Variants in DMRT2 observed in about 807,000 individuals in gnomAD.
DMRT2 encodes the protein doublesex and mab-3 related transcription factor 2.
Under a neutral mutation model 43.5 loss-of-function variants are expected in DMRT2, and 33 were observed. The ratio of observed to expected loss-of-function variants is 0.76; its 90% CI spans 0.58 to 1.01. The LOEUF is 1.01. Ranked by LOEUF, DMRT2 falls within the 50% of genes least tolerant of loss-of-function variation. The pLI, the probability that DMRT2 is intolerant of heterozygous loss-of-function variation, is 0.00. For missense variants in DMRT2, 1,064 were observed against 748.0 expected (o/e 1.42, Z -4.93); for synonymous variants, 395 against 309.2 (o/e 1.28, Z -2.91).
At position 1,051,702 on chromosome 9, in the gene DMRT2, C is replaced by G; in HGVS notation, c.89C>G (p.Pro30Arg). The G allele has an allele frequency of 6.4e-7, 1 of 1,551,122 alleles. No homozygotes were observed. Among genetic ancestry groups the G allele is most frequent in the Non-Finnish European group, 8.7e-7 (1 of 1,154,672 alleles). The change falls in exon 2 of 4, where the codon CCG becomes CGG. Residue 30 changes from proline to arginine, a missense_variant. Transcript: ENST00000358146. This position sits in a 1 kb window ranked among gnomAD's most constrained non-coding sequence, Gnocchi z 5.9. ...CTGGAAGAGGACGTCTGCGGGGCGC[C>G]GCGGTCCACGCCCCCCGGGCCCAGC... is the stretch of plus-strand genomic sequence containing the variant. ...LELEEDVCGA[P>R]RSTPPGPSPP...
chr9:1,057,242 C>G lies in DMRT2; in HGVS notation c.1655C>G (p.Pro552Arg), dbSNP rs1822070732. The G allele has an allele frequency of 6.2e-7, 1 of 1,612,410 alleles. No individual in the cohort carries two copies. The highest frequency in any genetic ancestry group is 8.5e-7 in the Non-Finnish European group (1 of 1,179,392). The change falls in exon 4 of 4, where the codon CCT becomes CGT. Residue 552 changes from proline (P) to arginine (R), a missense_variant. Transcript: ENST00000358146. ...TCTGTTGAGTCTATTCTTAAGAGGC[C>G]TTCATCTGCCATCACTCGTGTCTCT... ...SFSVESILKR[P>R]SSAITRVSQ is the part of the protein sequence containing the mutation.
Position 1,056,532 on chromosome 9 carries a change from G to A in DMRT2, c.945G>A (p.Gly315=), listed in dbSNP as rs147471809. The A allele has an allele frequency of 6.2e-7, 1 of 1,614,190 alleles. No individual in the cohort carries two copies. Among genetic ancestry groups the A allele is most frequent in the Admixed American group, 1.7e-5 (1 of 60,028 alleles). The part of the protein sequence containing the change: ...TCLDLTMQYS[G]SGNMELISSN... ...TTGATTTAACCATGCAGTATTCAGGGTCTGGGAATATGGAACTAATTTCTT... is the reference window on the plus strand; with the variant it reads ...TTGATTTAACCATGCAGTATTCAGGATCTGGGAATATGGAACTAATTTCTT... The change falls in exon 4 of 4, where the codon GGG becomes GGA. Residue 315 remains glycine (G), a synonymous_variant. Coordinates refer to ENST00000358146, the MANE Select transcript of DMRT2 (RefSeq NM_181872.6).
rs1242291361 is a variant in DMRT2, at chr9:1,056,822, C to T, written c.1235C>T (p.Thr412Ile). ...LVLPHTPEIQ[T>I]TRSDLQGHQA... The stretch of plus-strand genomic sequence containing the variant: ...CTGCCTCACACTCCTGAGATCCAGA[C>T]CACGAGAAGTGACCTTCAGGGTCAT... Residue 412 changes from threonine to isoleucine, a missense_variant, in exon 4 of 4, where the codon ACC (threonine) becomes ATC (isoleucine). By Grantham distance (89) the Thr-to-Ile change is moderately conservative. Transcript: ENST00000358146. 1.2e-6 allele frequency: 2 copies of T among 1,614,154 alleles called. No individual in the cohort carries two copies. The highest frequency in any genetic ancestry group is 1.7e-6 in the Non-Finnish European group (2 of 1,180,030).
chr9:1,054,469 A>G (rs1307138736), intron 3 of DMRT2, among the ~76,000 whole-genome samples: 2 of 142,920 alleles, frequency 1.4e-5, no homozygotes, highest in Admixed American at 7.0e-5. Context: ...CATTTTTACC[A>G]TTTTTTGACA....
chr9:1,053,676 C>G (rs1333069154), intron 2 of DMRT2, 46 bp from the exon 3 acceptor site: 5 of 1,532,892 alleles, frequency 3.3e-6, no homozygotes, highest in Admixed American at 3.6e-5. Flanking sequence ...CTTCTCGCCC[C>G]CATTTTCTTT....
Position 1,056,320 on chromosome 9 carries a change from T to G in DMRT2, c.733T>G (p.Leu245Val). 6.2e-7 allele frequency: 1 copy of G among 1,613,956 alleles called. No homozygotes were observed. The highest frequency in any genetic ancestry group is 8.5e-7 in the Non-Finnish European group (1 of 1,179,988). ...AAGAAGAGCCTTTGCTGATAAAGAG[T>G]TGGAGAACATTATGCTGGAGAGAGA... is the stretch of plus-strand genomic sequence containing the variant. ...RKRRAFADKE[L>V]ENIMLEREYK... Residue 245 changes from leucine (L) to valine (V), a missense_variant, in exon 4 of 4, where the codon TTG becomes GTG. Leu to Val is a conservative substitution (Grantham distance 32). Coordinates refer to ENST00000358146, the MANE Select transcript of DMRT2 (RefSeq NM_181872.6).
At chr9:1,054,531 G>A (rs189965018) in intron 3 of DMRT2, 1 of 152,188 alleles carries the variant, frequency 6.6e-6, no homozygotes. Context: ...GCGAAGTGGA[G>A]GTTGAATGCG....
In DMRT2 at chr9:1,051,721, GC is replaced by G; in HGVS notation, c.111del (p.Ser38AlafsTer80). Reference sequence around the variant, plus strand: ...GGGCGCCGCGGTCCACGCCCCCCGGGCCCAGCCCGCCGCCGGCGGACGGGGA... The same window carrying G: ...GGGCGCCGCGGTCCACGCCCCCCGGGCCAGCCCGCCGCCGGCGGACGGGGA... The part of the protein sequence containing the change: ...CGAPRSTPPG[P>X]SPPPADGDCE... On this transcript the variant is annotated frameshift_variant, in exon 2 of 4. Transcript: ENST00000358146. LOFTEE classifies it high-confidence loss of function. The surrounding 1 kb of genome is among the most constrained non-coding windows in gnomAD (Gnocchi z 5.9). The G allele has an allele frequency of 6.5e-7, 1 of 1,538,764 alleles. No homozygotes were observed. Among genetic ancestry groups the G allele is most frequent in the South Asian group, 1.2e-5 (1 of 84,180 alleles).
At position 1,056,418 on chromosome 9, in the gene DMRT2, A is replaced by G. The variant is rs756821292; in HGVS notation, c.831A>G (p.Gly277=). ...TTCTGCCCAACCGCATGGTGCCTGG[A>G]CCTGACTACAATTCCTACAAAAGTG... ...ALFLPNRMVP[G]PDYNSYKSAY... is the part of the protein sequence containing the mutation. The change falls in exon 4 of 4, where the codon GGA becomes GGG. Residue 277 remains glycine, a synonymous_variant. Coordinates refer to ENST00000358146, the MANE Select transcript of DMRT2 (RefSeq NM_181872.6). 3 of 1,614,080 alleles carry G rather than the reference A, an allele frequency of 1.9e-6. No homozygotes were observed. The highest frequency in any genetic ancestry group is 2.5e-6 in the Non-Finnish European group (3 of 1,180,048).
chr9:1,054,646 C>G (rs572988484), intron 3 of DMRT2: 2 of 152,190 alleles, frequency 1.3e-5, no homozygotes, highest in South Asian at 4.1e-4. Flanking sequence ...AAAAGCATCT[C>G]TATTTGGGTA....
intron 3 of DMRT2, chr9:1,055,758 T>C: frequency 6.6e-7 from 1 of 1,507,946 alleles, no homozygotes; most frequent in Non-Finnish European, 8.9e-7. Context: ...TATGTGTACA[T>C]AATGAACCAT....
In DMRT2 at chr9:1,051,488, G is replaced by T; in HGVS notation, c.-44-82G>T. The T allele has an allele frequency of 7.2e-7, 1 of 1,395,530 alleles. No individual in the cohort carries two copies. The highest frequency in any genetic ancestry group is 9.2e-7 in the Non-Finnish European group (1 of 1,081,808). 86.4% of individuals were successfully genotyped at this position (1,395,530 alleles called of 1,614,324 possible). On this transcript the variant is annotated intron_variant, in intron 1 of 3. Transcript: ENST00000358146. This position sits in a 1 kb window ranked among gnomAD's most constrained non-coding sequence, Gnocchi z 5.9. Reference sequence around the variant, plus strand: ...TGACTCAAGCGGCCGGAGGCGGGCAGACCAGGAGCTTTGGGCCGGAGGCTC... The same window carrying T: ...TGACTCAAGCGGCCGGAGGCGGGCATACCAGGAGCTTTGGGCCGGAGGCTC...
At position 1,051,639 on chromosome 9, in the gene DMRT2, C is replaced by T; in HGVS notation, c.26C>T (p.Ala9Val). 6 of 1,564,338 alleles carry T rather than the reference C, an allele frequency of 3.8e-6. No individual in the cohort carries two copies. Among genetic ancestry groups the T allele is most frequent in the Non-Finnish European group, 5.2e-6 (6 of 1,164,490 alleles). ...ATGGCCGACCCGCAGGCTGGCTCCG[C>T]GGCCGGGGACTGGGAGATCGATGTC... MADPQAGS[A>V]AGDWEIDVES... Residue 9 changes from alanine to valine, a missense_variant, in exon 2 of 4, where the codon GCG becomes GTG. Transcript: ENST00000358146. The surrounding 1 kb of genome is among the most constrained non-coding windows in gnomAD (Gnocchi z 5.9).
intron 2 of DMRT2, among the ~76,000 whole-genome samples, chr9:1,053,367 C>G (rs909200292): frequency 3.3e-5 from 5 of 152,226 alleles, no homozygotes; most frequent in Non-Finnish European, 7.3e-5. Context: ...CTGGCTGCAA[C>G]CATCTCTTGA....
In DMRT2 at chr9:1,056,641, G is replaced by A. The variant is rs770480487; in HGVS notation, c.1054G>A (p.Asp352Asn). The change falls in exon 4 of 4, where the codon GAC becomes AAC. Residue 352 changes from aspartate to asparagine, a missense_variant. Asp to Asn is a conservative substitution (Grantham distance 23). Coordinates refer to ENST00000358146, the MANE Select transcript of DMRT2 (RefSeq NM_181872.6). Reference sequence around the variant, plus strand: ...TTGGCCCAAGTGTGGCCCCATTAGCGACACCCTCCTCTACCAGCAATGCCT... The same window carrying A: ...TTGGCCCAAGTGTGGCCCCATTAGCAACACCCTCCTCTACCAGCAATGCCT... ...LVWPKCGPIS[D>N]TLLYQQCLLN... is the part of the protein sequence containing the mutation. 1.9e-5 allele frequency: 31 copies of A among 1,613,996 alleles called. No homozygotes were observed. Among genetic ancestry groups the A allele is most frequent in the East Asian group, 4.5e-5 (2 of 44,880 alleles).
chr9:1,057,082 A>T lies in DMRT2; in HGVS notation c.1495A>T (p.Thr499Ser). 6.2e-7 allele frequency: 1 copy of T among 1,614,132 alleles called. No individual in the cohort carries two copies. The highest frequency in any genetic ancestry group is 8.5e-7 in the Non-Finnish European group (1 of 1,180,010). Residue 499 changes from threonine to serine, a missense_variant, in exon 4 of 4, where the codon ACC (threonine) becomes TCC (serine). By Grantham distance (58) the Thr-to-Ser change is moderately conservative. Coordinates refer to ENST00000358146, the MANE Select transcript of DMRT2 (RefSeq NM_181872.6). ...ATTTGTCAAAGAGGCCTTTGAAGAG[A>T]CCCCTAAGAAACACAGAGAGTGTTT... ...TPFVKEAFEE[T>S]PKKHRECLVK...
In DMRT2 at chr9:1,053,902, T is replaced by A. The variant is rs185788558; in HGVS notation, c.628+78T>A. On this transcript the variant is annotated intron_variant, in intron 3 of 3. Transcript: ENST00000358146. ...ATTAATCAGCACAAAGTGTGTTTAT[T>A]AATCTGTGAAAGAGCTATCTAAAGG... is the stretch of plus-strand genomic sequence containing the variant. 1.0e-5 allele frequency: 13 copies of A among 1,294,452 alleles called. No homozygotes were observed. The East Asian group carries it at 3.0e-4, about 30-fold the overall frequency. The allele number at this position is 1,294,452 out of a possible 1,614,324, so 80.2% of individuals were successfully genotyped here.
intron 2 of DMRT2, 50 bp downstream of exon 2, chr9:1,052,188 A>G: frequency 7.7e-7 from 1 of 1,294,672 alleles, no homozygotes; most frequent in Non-Finnish European, 9.8e-7. Flanking sequence ...GAGGTGGGGG[A>G]GTTGGAGGGG....
rs3812517 is a variant in DMRT2 at position 1,050,614 on chromosome 9, A to G, written c.-206A>G. The G allele has an allele frequency of 0.3, 46,337 of 152,328 alleles. 7,259 individuals are homozygous for G. The highest frequency in any genetic ancestry group is 0.33 in the Non-Finnish European group (22,508 of 68,134). The allele number at this position is 152,328 out of a possible 1,614,324, so 9.4% of individuals were successfully genotyped here. A position where few individuals can be genotyped will look rare whatever the true frequency, so the allele number is the denominator to read the frequency against. Reference sequence around the variant, plus strand: ...CCTACCTTCTCCCTCCCCCTCCACCATCCAGTGGGTTCGTTCCGGGCCTCC... The same window carrying G: ...CCTACCTTCTCCCTCCCCCTCCACCGTCCAGTGGGTTCGTTCCGGGCCTCC... On this transcript the variant is annotated 5_prime_UTR_variant, in exon 1 of 4. Transcript: ENST00000358146.
Sources: allele counts gnomAD v4.1 joint callset (sites outside exome capture counted in the v4.1 genomes callset), GRCh38; gene constraint gnomAD v4.1.1; non-coding constraint Gnocchi (gnomAD v3.1); transcripts MANE v1.5; gene names NCBI Gene and HGNC (gene_info 2026-07-23, HGNC 2026-07-21).